The following STPG2 variants were observed in gnomAD, a reference collection of about 807,000 sequenced individuals.
STPG2 encodes sperm-tail PG-rich repeat-containing protein 2.
In STPG2, 56 loss-of-function variants were observed where a neutral mutation model predicts 54.2. That is an observed-to-expected ratio of 1.03 (90% confidence interval 0.83 to 1.29). The LOEUF is 1.29. Ranked by LOEUF, STPG2 falls within the 50% of genes most tolerant of loss-of-function variation. STPG2 has a pLI of 0.00. For missense variants in STPG2, 596 were observed against 544.9 expected, an observed-to-expected ratio of 1.09 and a Z score of -0.93; for synonymous variants, 200 against 181.8, an observed-to-expected ratio of 1.10 and a Z score of -0.81.
chr4:98,023,898 G>C (rs1736324266), intron 5 of STPG2, among the ~76,000 whole-genome samples: 1 of 152,108 alleles, frequency 6.6e-6, no homozygotes, highest in African/African-American at 2.4e-5. Context: ...CAGTATTAGG[G>C]TGGGAGTGAC....
chr4:97,653,428 A>G (rs1722132110), intron 10 of STPG2, among the ~76,000 whole-genome samples: 1 of 151,864 alleles, frequency 6.6e-6, no homozygotes, highest in East Asian at 1.9e-4. Flanking sequence ...CTCTTCTTCT[A>G]CCAAAATTCC....
At chr4:97,809,173 G>T (rs1727662064) in intron 9 of STPG2, among the ~76,000 whole-genome samples, 1 of 152,074 alleles carries the variant, frequency 6.6e-6, no homozygotes, top group South Asian at 2.1e-4. Flanking sequence ...TAATGAAAAT[G>T]CTCTAACTAG....
intron 7 of STPG2, among the ~76,000 whole-genome samples, chr4:97,954,685 C>G (rs536636819): frequency 1.3e-5 from 2 of 152,138 alleles, no homozygotes; most frequent in Non-Finnish European, 2.9e-5. Context: ...GTAATCAGCA[C>G]AGTTCATAAT....
At chr4:97,684,150 T>C (rs901454673) in intron 10 of STPG2, among the ~76,000 whole-genome samples, 2 of 151,936 alleles carry the variant, frequency 1.3e-5, no homozygotes, top group Non-Finnish European at 2.9e-5. Flanking sequence ...AAAAACGCTT[T>C]ATTAAGATGC....
chr4:97,778,325 C>T (rs1726453164), intron 9 of STPG2, among the ~76,000 whole-genome samples: 1 of 152,144 alleles, frequency 6.6e-6, no homozygotes, highest in African/African-American at 2.4e-5. Flanking sequence ...GCCCACGGAG[C>T]CTCGCTCATT....
chr4:97,447,054 A>C (rs1729240482), intron 4 of STPG2, among the ~76,000 whole-genome samples: 3 of 152,218 alleles, frequency 2.0e-5, no homozygotes, highest in Admixed American at 6.5e-5. Flanking sequence ...GGTTTTGACC[A>C]AAATGCTGAT....
intron 8 of STPG2, among the ~76,000 whole-genome samples, chr4:97,896,357 T>C (rs767097464): frequency 6.6e-6 from 1 of 151,756 alleles, no homozygotes; most frequent in Non-Finnish European, 1.5e-5. Flanking sequence ...ACATGTCAAC[T>C]ACCACTTAAG....
At chr4:98,002,793 T>A (rs1003375294) in intron 5 of STPG2, among the ~76,000 whole-genome samples, 1 of 152,130 alleles carries the variant, frequency 6.6e-6, no homozygotes, top group African/African-American at 2.4e-5. Context: ...CAGCGTTTTT[T>A]AAAGTTTTTT....
At chr4:97,638,119 C>T (rs1474807036) in intron 10 of STPG2, among the ~76,000 whole-genome samples, 1 of 152,154 alleles carries the variant, frequency 6.6e-6, no homozygotes. Flanking sequence ...GTAACCAAAA[C>T]AGCATGGTAC....
At chr4:97,797,973 A>C (rs9682339) in intron 9 of STPG2, among the ~76,000 whole-genome samples, 5 of 152,198 alleles carry the variant, frequency 3.3e-5, no homozygotes, top group African/African-American at 1.2e-4. Context: ...GTTTATTTGC[A>C]TAGAGGTGTT....
chr4:97,538,709 T>TTG (rs1222895158), intron 4 of STPG2, among the ~76,000 whole-genome samples: 2 of 152,016 alleles, frequency 1.3e-5, no homozygotes, highest in Non-Finnish European at 2.9e-5. Flanking sequence ...AAGATACTCC[T>TTG]CAAGAAGAGC....
chr4:98,022,543 T>G (rs1412902648), intron 5 of STPG2, among the ~76,000 whole-genome samples: 1 of 151,512 alleles, frequency 6.6e-6, no homozygotes, highest in East Asian at 1.9e-4. Flanking sequence ...TCTCTGTATT[T>G]CCTGAATCTG....
chr4:97,459,599 C>G (rs1030599742), intron 4 of STPG2, among the ~76,000 whole-genome samples: 1 of 151,988 alleles, frequency 6.6e-6, no homozygotes, highest in Non-Finnish European at 1.5e-5. Context: ...ACCACCATGG[C>G]CGGCTAATTT....
In STPG2 at chr4:97,769,773, T is replaced by C. The variant is rs140846007; in HGVS notation, c.1205-56959A>G. ...CAGATATGTCAAATTTATGAATACG[T>C]ACATATTTATATGTATAGACAGCAT... On this transcript the variant is annotated intron_variant, in intron 9 of 10. Coordinates refer to ENST00000295268, the MANE Select transcript of STPG2 (RefSeq NM_174952.3). 2.8e-3 allele frequency among the ~76,000 whole-genome samples: 429 copies of C among 152,260 alleles called. 3 individuals carry two copies. The highest frequency in any genetic ancestry group is 9.4e-3 in the African/African-American group (392 of 41,548).
intron 10 of STPG2, among the ~76,000 whole-genome samples, chr4:97,624,794 T>C (rs1212158689): frequency 6.6e-6 from 1 of 152,222 alleles, no homozygotes; most frequent in Non-Finnish European, 1.5e-5. Context: ...AGTTAATTTT[T>C]GTATAAAGTG....
chr4:97,554,366 A>G (rs1367521020), downstream of STPG2, among the ~76,000 whole-genome samples: 1 of 152,184 alleles, frequency 6.6e-6, no homozygotes, highest in Non-Finnish European at 1.5e-5. Context: ...GGAGTCCCGA[A>G]CCAAATTCTT....
intron 4 of STPG2, among the ~76,000 whole-genome samples, chr4:97,487,125 G>T (rs1322406489): frequency 1.3e-5 from 2 of 150,722 alleles, no homozygotes; most frequent in Non-Finnish European, 3.0e-5. Flanking sequence ...AGGGACAAAA[G>T]ACTACAAATA....
intron 8 of STPG2, among the ~76,000 whole-genome samples, chr4:97,873,921 C>A (rs1730081886): frequency 6.6e-6 from 1 of 151,260 alleles, no homozygotes. Context: ...GTTTCTATTA[C>A]TGAAGCTGGC....
chr4:97,477,778 C>A (rs775919199), intron 4 of STPG2, among the ~76,000 whole-genome samples: 8 of 151,992 alleles, frequency 5.3e-5, no homozygotes, highest in Non-Finnish European at 8.8e-5. Flanking sequence ...ACGTGAGGAA[C>A]CGCGCCTGGC....
Sources: allele counts gnomAD v4.1 joint callset (sites outside exome capture counted in the v4.1 genomes callset), GRCh38; gene constraint gnomAD v4.1.1; transcripts MANE v1.5; gene names NCBI Gene and HGNC (gene_info 2026-07-23, HGNC 2026-07-21).